TTN: variants seen among roughly 807,000 people sequenced by gnomAD.
TTN encodes the protein titin.
A neutral mutation model predicts 3,223.0 loss-of-function variants in TTN; 1,525 were observed. The observed-to-expected ratio is 0.47, with a 90% CI of 0.45 to 0.49. The LOEUF (loss-of-function observed/expected upper bound fraction) is 0.49. TTN is among the 20% of genes least tolerant of loss of function. TTN has a pLI of 0.00. For synonymous variants in TTN, 14,094 were observed against 15,161.0 expected (o/e 0.93, Z 5.17); for missense variants, 40,786 against 43,424.0 (o/e 0.94, Z 5.40).
chr2:178,751,994 C>A (rs763353471), intron 47 of TTN: 8 of 1,591,222 alleles, frequency 5.0e-6, no homozygotes. Context: ...AAAGGCGTCA[C>A]GTGTATCCCT....
intron 45 of TTN, 24 bp downstream of exon 45, chr2:178,757,518 T>A (rs780920661): frequency 6.6e-7 from 1 of 1,518,490 alleles, no homozygotes; most frequent in Non-Finnish European, 8.8e-7. Flanking sequence ...CAAATCAAAG[T>A]CCTTGAAGCA....
Position 178,610,365 on chromosome 2 carries a change from A to G in TTN, c.51161T>C (p.Ile17054Thr), listed in dbSNP as rs2056020027. ...ACTCTTGGTAATGTCACTTGCTTTAATATCTTTGCATGGTCCAGGTAGGCC... is the reference window on the plus strand; with the variant it reads ...ACTCTTGGTAATGTCACTTGCTTTAGTATCTTTGCATGGTCCAGGTAGGCC... ...VIGLPGPCKD[I>T]KASDITKSSC... Residue 17054 changes from isoleucine (I) to threonine (T), a missense_variant, in exon 271 of 363, where the codon ATT becomes ACT. Ile to Thr is a moderately conservative substitution (Grantham distance 89). Coordinates refer to ENST00000589042, the MANE Select transcript of TTN (RefSeq NM_001267550.2). 6.2e-7 allele frequency: 1 copy of G among 1,612,600 alleles called. No individual in the cohort carries two copies. The highest frequency in any genetic ancestry group is 2.2e-5 in the East Asian group (1 of 44,658).
At chr2:178,544,828 A>G (rs1380382774) in intron 344 of TTN, among the ~76,000 whole-genome samples, 1 of 152,156 alleles carries the variant, frequency 6.6e-6, no homozygotes, top group Non-Finnish European at 1.5e-5. Flanking sequence ...TTAGTTGCTT[A>G]TCTTTCACTG....
intron 15 of TTN, among the ~76,000 whole-genome samples, chr2:178,785,379 G>C (rs1290612865): frequency 6.6e-6 from 1 of 152,130 alleles, no homozygotes; most frequent in African/African-American, 2.4e-5. Context: ...AGAGAAGCCT[G>C]TGTGGATTTG....
rs727504797 is a variant in TTN, at chr2:178,559,397, CCTT to C, written c.86732_86734del (p.Glu28911del). Reference sequence around the variant, plus strand: ...AGAGACTCTGAAGTAATAGATAGCTCCTTCTTGTAAATTGGTAACTTTGTAGGA... The same window carrying C: ...AGAGACTCTGAAGTAATAGATAGCTCCTTGTAAATTGGTAACTTTGTAGGA... On this transcript the variant is annotated inframe_deletion, in exon 326 of 363. Coordinates refer to ENST00000589042, the MANE Select transcript of TTN (RefSeq NM_001267550.2). 1.9e-4 allele frequency: 311 copies of C among 1,613,572 alleles called. No homozygotes were observed. The highest frequency in any genetic ancestry group is 2.5e-4 in the Non-Finnish European group (295 of 1,179,698).
In TTN at chr2:178,630,855, A is replaced by G; in HGVS notation, c.44103T>C (p.Asp14701=). 6.2e-7 allele frequency: 1 copy of G among 1,613,342 alleles called. No homozygotes were observed. Among genetic ancestry groups the G allele is most frequent in the Non-Finnish European group, 8.5e-7 (1 of 1,179,510 alleles). The change falls in exon 238 of 363, where the codon GAT becomes GAC. Residue 14701 remains aspartate, a synonymous_variant. Coordinates refer to ENST00000589042, the MANE Select transcript of TTN (RefSeq NM_001267550.2). The part of the protein sequence containing the change: ...TARFETEISE[D]DIHANWKLKG... Reference sequence around the variant, plus strand: ...TGAGTTTCCAGTTGGCGTGGATATCATCTTCAGAGATTTCGGTTTCAAAGC... The same window carrying G: ...TGAGTTTCCAGTTGGCGTGGATATCGTCTTCAGAGATTTCGGTTTCAAAGC...
In TTN at chr2:178,732,731, T is replaced by C. The variant is rs2080772733; in HGVS notation, c.16343-13A>G. 6.4e-7 allele frequency: 1 copy of C among 1,568,182 alleles called. No individual in the cohort carries two copies. Among genetic ancestry groups the C allele is most frequent in the Non-Finnish European group, 8.6e-7 (1 of 1,158,916 alleles). On this transcript the variant is annotated splice_polypyrimidine_tract_variant and intron_variant, in intron 55 of 362. Coordinates refer to ENST00000589042, the MANE Select transcript of TTN (RefSeq NM_001267550.2). ...AAACTGGGTGGTTCTGAAGAAGGGG[T>C]ATAAGAAAGAATTTCAAAGAGTTAA... is the stretch of plus-strand genomic sequence containing the variant.
At chr2:178,713,557 G>A (rs1399758037) in intron 92 of TTN, among the ~76,000 whole-genome samples, 185 bp from the exon 93 acceptor site, 1 of 152,140 alleles carries the variant, frequency 6.6e-6, no homozygotes, top group Non-Finnish European at 1.5e-5. Flanking sequence ...GAATCAGTGG[G>A]CAGAATGTGA....
rs1399065526 is a variant in TTN, at chr2:178,615,266, T to G, written c.48638+41A>C. 2.5e-6 allele frequency: 4 copies of G among 1,604,604 alleles called. No individual in the cohort carries two copies. In the Admixed American group the frequency reaches 6.8e-5, roughly 27 times the overall value. On this transcript the variant is annotated intron_variant, in intron 259 of 362. Transcript: ENST00000589042. ...CCCCAACAAAGCCCATTTTAGTGAC[T>G]AGGAGTACACATTTACTCTCATGCC...
intron 243 of TTN, among the ~76,000 whole-genome samples, chr2:178,622,282 G>A (rs978011855): frequency 2.0e-5 from 3 of 151,942 alleles, no homozygotes; most frequent in African/African-American, 7.2e-5. Flanking sequence ...TAGACATTAT[G>A]CAGACTAACT....
At chr2:178,670,462 A>G (rs2066787043) in intron 156 of TTN, among the ~76,000 whole-genome samples, 167 bp from the exon 157 acceptor site, 2 of 151,938 alleles carry the variant, frequency 1.3e-5, no homozygotes, top group South Asian at 2.1e-4. Flanking sequence ...TTTAAAAAAT[A>G]TATAATAACA....
rs1695839885 is a variant in TTN at position 178,543,951 on chromosome 2, C to T, written c.96193G>A (p.Glu32065Lys). 6.2e-7 allele frequency: 1 copy of T among 1,613,576 alleles called. No individual in the cohort carries two copies. The highest frequency in any genetic ancestry group is 1.3e-5 in the African/African-American group (1 of 74,878). ...TCCACTATTAGCAATGAGTAGCTCT[C>T]AGTGGTGTCAATAATTGCCCGGCTT... is the stretch of plus-strand genomic sequence containing the variant. ...LASRAIIDTT[E>K]SYSLLIVDKV... is the part of the protein sequence containing the mutation. Residue 32065 changes from glutamate to lysine, a missense_variant, in exon 346 of 363, where the codon GAG (glutamate) becomes AAG (lysine). By Grantham distance (56) the Glu-to-Lys change is moderately conservative. Transcript: ENST00000589042.
In TTN at chr2:178,572,450, G is replaced by A; in HGVS notation, c.73682C>T (p.Ser24561Leu). ...AACAGTTGAATATGCTTTTCTTGTT[G>A]ATTCCCGCTTTTCAACAATATAGTT... ...IKNYIVEKRESTRKAYSTVAT... is the reference protein window; with the variant it reads ...IKNYIVEKRELTRKAYSTVAT... The change falls in exon 326 of 363, where the codon TCA (serine) becomes TTA (leucine). Residue 24561 changes from serine to leucine, a missense_variant. Transcript: ENST00000589042. The A allele has an allele frequency of 1.2e-6, 2 of 1,612,402 alleles. No homozygotes were observed. Among genetic ancestry groups the A allele is most frequent in the Non-Finnish European group, 1.7e-6 (2 of 1,178,768 alleles).
intron 156 of TTN, among the ~76,000 whole-genome samples, chr2:178,670,534 C>A (rs898143975): frequency 7.9e-5 from 12 of 151,892 alleles, no homozygotes; most frequent in Non-Finnish European, 1.5e-5. Flanking sequence ...ATTAACAGTA[C>A]ACCTTCAGCT....
At position 178,618,177 on chromosome 2, in the gene TTN, A is replaced by G. The variant is rs1482335622; in HGVS notation, c.47269+12T>C. The G allele has an allele frequency of 6.2e-7, 1 of 1,610,938 alleles. No homozygotes were observed. The highest frequency in any genetic ancestry group is 1.3e-5 in the African/African-American group (1 of 74,680). Reference sequence around the variant, plus strand: ...CTTAAAAGCTAACTTGAATTTACTTAAAACTTCTTACCATATTTACTCCTT... The same window carrying G: ...CTTAAAAGCTAACTTGAATTTACTTGAAACTTCTTACCATATTTACTCCTT... On this transcript the variant is annotated intron_variant, in intron 252 of 362. Coordinates refer to ENST00000589042, the MANE Select transcript of TTN (RefSeq NM_001267550.2).
At position 178,531,113 on chromosome 2, in the gene TTN, C is replaced by G. The variant is rs1382618116; in HGVS notation, c.105502G>C (p.Val35168Leu). The G allele has an allele frequency of 6.2e-7, 1 of 1,613,968 alleles. No homozygotes were observed. Among genetic ancestry groups the G allele is most frequent in the African/African-American group, 1.3e-5 (1 of 75,030 alleles). ...TGGTGGCGGGCAGAAGTACTTAGCA[C>G]TTGTCCTTTACGCAGCCAGGTCACA... The part of the protein sequence containing the change: ...PTVTWLRKGQ[V>L]LSTSARHQVT... The change falls in exon 358 of 363, where the codon GTG becomes CTG. Residue 35168 changes from valine (V) to leucine (L), a missense_variant. By Grantham distance (32) the Val-to-Leu change is conservative. Transcript: ENST00000589042.
chr2:178,735,767 T>A lies in TTN; in HGVS notation c.14679A>T (p.Glu4893Asp), dbSNP rs761383226. Residue 4893 changes from glutamate to aspartate, a missense_variant, in exon 50 of 363, where the codon GAA becomes GAT. Physicochemically the swap from Glu to Asp is conservative, Grantham distance 45. Transcript: ENST00000589042. ...IIIDKPHFIK[E>D]LEPVQSAINK... ...TGATAGCGGACTGCACAGGCTCTAA[T>A]TCTTTAATGAAATGTGGCTTATCAA... 6 of 1,613,788 alleles carry A rather than the reference T, an allele frequency of 3.7e-6. No individual in the cohort carries two copies. The South Asian group carries it at 6.6e-5, about 18-fold the overall frequency.
At position 178,756,490 on chromosome 2, in the gene TTN, A is replaced by G. The variant is rs1234423565; in HGVS notation, c.10986T>C (p.Ile3662=). ...CAGTGACGTCCTGAAGATGCAGGAAAATCTTGGGCGCCTCACCCGTGGACT... is the reference window on the plus strand; with the variant it reads ...CAGTGACGTCCTGAAGATGCAGGAAGATCTTGGGCGCCTCACCCGTGGACT... ...AKESTGEAPK[I]FLHLQDVTVK... Residue 3662 remains isoleucine (I), a synonymous_variant, in exon 46 of 363, where the codon ATT becomes ATC. Transcript: ENST00000589042. 2 of 1,613,702 alleles carry G rather than the reference A, an allele frequency of 1.2e-6. No homozygotes were observed. The highest frequency in any genetic ancestry group is 1.7e-6 in the Non-Finnish European group (2 of 1,179,816).
rs1377506420 is a variant in TTN at position 178,532,683 on chromosome 2, A to G, written c.103932T>C (p.Tyr34644=). The change falls in exon 358 of 363, where the codon TAT becomes TAC. Residue 34644 remains tyrosine (Y), a synonymous_variant. Transcript: ENST00000589042. Reference sequence around the variant, plus strand: ...GTCTTCTAGGTCGGTAGTAAAAGTCATAATCAGGAGAAGGTGTACGCCGGC... The same window carrying G: ...GTCTTCTAGGTCGGTAGTAAAAGTCGTAATCAGGAGAAGGTGTACGCCGGC... ...PARRRTPSPD[Y]DFYYRPRRRS... 6.2e-7 allele frequency: 1 copy of G among 1,614,000 alleles called. No individual in the cohort carries two copies. Among genetic ancestry groups the G allele is most frequent in the Non-Finnish European group, 8.5e-7 (1 of 1,179,870 alleles).
Sources: allele counts gnomAD v4.1 joint callset (sites outside exome capture counted in the v4.1 genomes callset), GRCh38; gene constraint gnomAD v4.1.1; transcripts MANE v1.5; gene names NCBI Gene and HGNC (gene_info 2026-07-23, HGNC 2026-07-21).